Variants in CCDC85A observed in about 807,000 individuals in gnomAD.
CCDC85A encodes the protein coiled-coil domain-containing protein 85A.
Under a neutral mutation model 50.2 loss-of-function variants are expected in CCDC85A, and 38 were observed. The observed-to-expected ratio is 0.76, with a 90% CI of 0.58 to 0.99. CCDC85A has a LOEUF of 0.99. CCDC85A is among the 50% of genes least tolerant of loss of function. CCDC85A has a pLI of 0.00. For missense variants in CCDC85A, 820 were observed against 742.0 expected, an observed-to-expected ratio of 1.11 and a Z score of -1.22; for synonymous variants, 366 against 301.4, an observed-to-expected ratio of 1.21 and a Z score of -2.22.
At position 56,310,021 on chromosome 2, in the gene CCDC85A, C is replaced by T. The variant is rs576403060; in HGVS notation, c.1241-32858C>T. 2.0e-4 allele frequency among the ~76,000 whole-genome samples: 31 copies of T among 152,292 alleles called. No homozygotes were observed. The South Asian group carries it at 6.4e-3, about 32-fold the overall frequency. ...GGAGGAGTCACACTATTCACACCAT[C>T]ACCTTTTACCTGTTTGTTTCATATG... On this transcript the variant is annotated intron_variant, in intron 2 of 5. Transcript: ENST00000407595.
chr2:56,230,589 C>A (rs1668733884), intron 2 of CCDC85A, among the ~76,000 whole-genome samples: 1 of 152,220 alleles, frequency 6.6e-6, no homozygotes, highest in Admixed American at 6.5e-5. Context: ...CTGCCCATGG[C>A]TGATCCTCCT....
chr2:56,369,944 A>G (rs1033587658), intron 3 of CCDC85A, among the ~76,000 whole-genome samples: 1 of 152,144 alleles, frequency 6.6e-6, no homozygotes, highest in Non-Finnish European at 1.5e-5. Flanking sequence ...TCAGTGATTC[A>G]TACTTCTTCA....
chr2:56,225,957 T>C (rs1204249971), intron 2 of CCDC85A, among the ~76,000 whole-genome samples: 1 of 152,210 alleles, frequency 6.6e-6, no homozygotes, highest in Non-Finnish European at 1.5e-5. Flanking sequence ...GAAGAATTGA[T>C]ATATTTTCCA....
chr2:56,195,563 A>G (rs186080596), intron 2 of CCDC85A, among the ~76,000 whole-genome samples: 7 of 152,354 alleles, frequency 4.6e-5, no homozygotes, highest in Admixed American at 3.3e-4. Flanking sequence ...TGAGATGTTT[A>G]TGGATCATCA....
intron 2 of CCDC85A, among the ~76,000 whole-genome samples, chr2:56,282,606 CT>C (rs1291461289): frequency 6.6e-6 from 1 of 152,140 alleles, no homozygotes; most frequent in Non-Finnish European, 1.5e-5. Context: ...GCCTCCCAGG[CT>C]CAAGCTATTC....
chr2:56,354,025 A>G (rs6735003), intron 3 of CCDC85A, among the ~76,000 whole-genome samples: 40,433 of 152,048 alleles, frequency 0.27, 6,511 homozygotes, highest in African/African-American at 0.44. Context: ...TCACACTTGA[A>G]CATATTTTAA....
At chr2:56,372,544 G>A in intron 4 of CCDC85A, 66 bp downstream of exon 4, 2 of 1,410,006 alleles carry the variant, frequency 1.4e-6, no homozygotes, top group Non-Finnish European at 1.9e-6. Flanking sequence ...TGTTGCTAGA[G>A]AAAAAGTTAT....
intron 2 of CCDC85A, among the ~76,000 whole-genome samples, chr2:56,339,575 T>C (rs556070429): frequency 9.2e-4 from 140 of 152,352 alleles, no homozygotes; most frequent in Admixed American, 1.6e-3. Flanking sequence ...TGACTCAATC[T>C]GTGTAGTCTT....
Position 56,193,349 on chromosome 2 carries a change from C to A in CCDC85A, c.1149C>A (p.Gly383=), listed in dbSNP as rs139777024. The A allele has an allele frequency of 9.8e-4, 1,575 of 1,611,648 alleles. 3 individuals carry two copies. Among genetic ancestry groups the A allele is most frequent in the Non-Finnish European group, 1.2e-3 (1,442 of 1,178,786 alleles). Residue 383 remains glycine, a synonymous_variant, in exon 2 of 6, where the codon GGC becomes GGA. Transcript: ENST00000407595. ...GAGGAGGCAGTGGAGGAAGTGGAGG[C>A]AGCGGCGGAGGCAGCAGGGAGGGCA... ...KHGGGSGGSG[G]SGGGSREGTL... is the part of the protein sequence containing the mutation.
intron 2 of CCDC85A, among the ~76,000 whole-genome samples, chr2:56,297,278 A>G (rs1671995622): frequency 6.6e-6 from 1 of 152,010 alleles, no homozygotes; most frequent in Non-Finnish European, 1.5e-5. Flanking sequence ...AGGACTGTGG[A>G]TGAGTTGGGG....
At chr2:56,204,279 T>C (rs1263192805) in intron 2 of CCDC85A, among the ~76,000 whole-genome samples, 1 of 152,204 alleles carries the variant, frequency 6.6e-6, no homozygotes, top group Non-Finnish European at 1.5e-5. Context: ...ACCGATAACA[T>C]TGTATTCTTA....
At chr2:56,185,261 G>T (rs967486863) in intron 1 of CCDC85A, among the ~76,000 whole-genome samples, 24 of 152,230 alleles carry the variant, frequency 1.6e-4, no homozygotes, top group African/African-American at 5.8e-4. Flanking sequence ...GGCCAGTGAG[G>T]GGGTGAATCC....
At chr2:56,303,487 G>T (rs1402953725) in intron 2 of CCDC85A, among the ~76,000 whole-genome samples, 1 of 152,006 alleles carries the variant, frequency 6.6e-6, no homozygotes, top group African/African-American at 2.4e-5. Context: ...ACTGTCACAG[G>T]TAGAAAAGAA....
intron 2 of CCDC85A, among the ~76,000 whole-genome samples, chr2:56,334,183 A>G (rs1266689848): frequency 6.6e-6 from 1 of 151,952 alleles, no homozygotes; most frequent in Non-Finnish European, 1.5e-5. Flanking sequence ...AAAATATTGT[A>G]TTTGGTTTTT....
chr2:56,257,565 A>G (rs768149898), intron 2 of CCDC85A, among the ~76,000 whole-genome samples: 1 of 152,162 alleles, frequency 6.6e-6, no homozygotes, highest in Non-Finnish European at 1.5e-5. Context: ...AGTTACATGA[A>G]AAACATCTGG....
In CCDC85A at chr2:56,239,024, C is replaced by T. The variant is rs150817362; in HGVS notation, c.1240+45584C>T. On this transcript the variant is annotated intron_variant, in intron 2 of 5. Coordinates refer to ENST00000407595, the MANE Select transcript of CCDC85A (RefSeq NM_001080433.2). ...AAAGGATTGTTATAATTAAGAATTTCTTTGGCAGCTGAAAATAAATGCAAA... is the reference window on the plus strand; with the variant it reads ...AAAGGATTGTTATAATTAAGAATTTTTTTGGCAGCTGAAAATAAATGCAAA... 3.6e-3 allele frequency among the ~76,000 whole-genome samples: 545 copies of T among 152,170 alleles called. 3 individuals carry two copies. Among genetic ancestry groups the T allele is most frequent in the Middle Eastern group, 0.024 (7 of 294 alleles).
intron 2 of CCDC85A, among the ~76,000 whole-genome samples, chr2:56,323,225 A>G (rs1673299573): frequency 1.3e-5 from 2 of 152,128 alleles, no homozygotes; most frequent in African/African-American, 4.8e-5. Context: ...GCACACCAAC[A>G]TGGCGCATGT....
At chr2:56,223,275 C>T (rs915770062) in intron 2 of CCDC85A, among the ~76,000 whole-genome samples, 6 of 152,048 alleles carry the variant, frequency 3.9e-5, no homozygotes, top group East Asian at 3.9e-4. Context: ...TGTAAAGGGC[C>T]GGATAGTTAA....
At chr2:56,287,457 A>G (rs983818861) in intron 2 of CCDC85A, among the ~76,000 whole-genome samples, 4 of 152,180 alleles carry the variant, frequency 2.6e-5, no homozygotes, top group African/African-American at 7.2e-5. Flanking sequence ...AACAATTACT[A>G]TCTTCCATTG....
Sources: allele counts gnomAD v4.1 joint callset (sites outside exome capture counted in the v4.1 genomes callset), GRCh38; gene constraint gnomAD v4.1.1; transcripts MANE v1.5; gene names NCBI Gene and HGNC (gene_info 2026-07-23, HGNC 2026-07-21).